Variants in RIMBP2 observed in about 807,000 individuals in gnomAD.
The protein encoded by RIMBP2 is RIMS binding protein 2.
A neutral mutation model predicts 118.6 loss-of-function variants in RIMBP2; 48 were observed. The ratio of observed to expected loss-of-function variants is 0.40; its 90% CI spans 0.32 to 0.51. The LOEUF is 0.51. Ranked by LOEUF, RIMBP2 falls within the 20% of genes least tolerant of loss-of-function variation. The pLI is 0.41. For synonymous variants in RIMBP2, 762 were observed against 742.9 expected, an observed-to-expected ratio of 1.03 and a Z score of -0.42; for missense variants, 1,551 against 1,768.3, an observed-to-expected ratio of 0.88 and a Z score of 2.20.
intron 1 of RIMBP2, among the ~76,000 whole-genome samples, chr12:130,705,831 G>A (rs911549839): frequency 3.9e-5 from 6 of 152,240 alleles, no homozygotes; most frequent in African/African-American, 7.2e-5. Flanking sequence ...GGCAGAAGCC[G>A]TTCTCTTCCC....
chr12:130,482,303 G>A (rs555996773), intron 4 of RIMBP2, among the ~76,000 whole-genome samples: 19 of 152,152 alleles, frequency 1.2e-4, no homozygotes, highest in Non-Finnish European at 1.3e-4. Context: ...TTGGTTCATC[G>A]GACTGGATTT....
At chr12:130,519,540 A>C (rs1331463201) in intron 2 of RIMBP2, among the ~76,000 whole-genome samples, 1 of 152,246 alleles carries the variant, frequency 6.6e-6, no homozygotes, top group Non-Finnish European at 1.5e-5. Flanking sequence ...AAAGCAGATC[A>C]TAATGTAGTC....
intron 18 of RIMBP2, 96 bp from the exon 19 acceptor site, chr12:130,412,883 A>G: frequency 8.7e-7 from 1 of 1,143,964 alleles, no homozygotes; most frequent in Non-Finnish European, 1.2e-6. Context: ...TCGAAAATAT[A>G]TTTTAAATAT....
At chr12:130,705,911 C>T (rs74822180) in intron 1 of RIMBP2, among the ~76,000 whole-genome samples, 8,810 of 152,266 alleles carry the variant, frequency 0.058, 302 homozygotes, top group Middle Eastern at 0.099. Context: ...TCCCTCCTAC[C>T]GTGACCGGCT....
chr12:130,439,367 G>A (rs2077840662), intron 11 of RIMBP2, among the ~76,000 whole-genome samples: 1 of 150,696 alleles, frequency 6.6e-6, no homozygotes, highest in South Asian at 2.1e-4. Flanking sequence ...ATGCGTATGT[G>A]TGTATGTGGG....
rs868409680 is a variant in RIMBP2, at chr12:130,646,363, C to T, written c.-351-17907G>A. Among the ~76,000 whole-genome samples the T allele has an allele frequency of 5.8e-4, 71 of 122,098 alleles. 7 individuals carry two copies. The highest frequency in any genetic ancestry group is 1.5e-3 in the African/African-American group (48 of 32,852). The allele number at this position is 122,098 out of a possible 152,430, so 80.1% of individuals were successfully genotyped here. On this transcript the variant is annotated intron_variant, in intron 1 of 22. Transcript: ENST00000690449. ...CCTCCCTCACCACCTCCCTCACCAC[C>T]TCCCTCACCACCTCCCTCACCACCT...
At chr12:130,690,981 G>T (rs1566460094) in intron 1 of RIMBP2, among the ~76,000 whole-genome samples, 1 of 152,078 alleles carries the variant, frequency 6.6e-6, no homozygotes, top group Non-Finnish European at 1.5e-5. Flanking sequence ...AATTCACAAG[G>T]GCCCACAGAA....
chr12:130,460,322 C>A (rs980565391), intron 6 of RIMBP2, among the ~76,000 whole-genome samples: 4 of 152,142 alleles, frequency 2.6e-5, no homozygotes, highest in Admixed American at 1.3e-4. Flanking sequence ...AGCAAAGCGG[C>A]GCTCGCAGGA....
At chr12:130,709,377 C>A (rs1196811709) in intron 1 of RIMBP2, among the ~76,000 whole-genome samples, 1 of 152,222 alleles carries the variant, frequency 6.6e-6, no homozygotes, top group African/African-American at 2.4e-5. Flanking sequence ...AGACGCAGAA[C>A]CCACACCACA....
At chr12:130,605,563 A>G (rs2060133571) in intron 2 of RIMBP2, among the ~76,000 whole-genome samples, 1 of 152,190 alleles carries the variant, frequency 6.6e-6, no homozygotes, top group African/African-American at 2.4e-5. Flanking sequence ...TGTAGAAAAT[A>G]ATTTTATTTT....
chr12:130,439,522 GGTGT>G (rs1165430010), intron 11 of RIMBP2, among the ~76,000 whole-genome samples: 1 of 135,950 alleles, frequency 7.4e-6, no homozygotes, highest in Non-Finnish European at 1.6e-5. Context: ...GGTATGTGTG[GGTGT>G]GTGTGGGTCT....
At chr12:130,489,726 A>G (rs536955556) in intron 4 of RIMBP2, among the ~76,000 whole-genome samples, 15 of 152,308 alleles carry the variant, frequency 9.8e-5, no homozygotes, top group African/African-American at 3.1e-4. Context: ...AATCCCCTGT[A>G]TTAATGTCCC....
chr12:130,556,929 G>T (rs1302624796), intron 2 of RIMBP2, among the ~76,000 whole-genome samples: 1 of 152,132 alleles, frequency 6.6e-6, no homozygotes, highest in African/African-American at 2.4e-5. Context: ...TCGGCTTCTT[G>T]ATCTAAACAA....
At chr12:130,449,446 G>A (rs1286896683) in intron 9 of RIMBP2, among the ~76,000 whole-genome samples, 1 of 152,212 alleles carries the variant, frequency 6.6e-6, no homozygotes, top group Non-Finnish European at 1.5e-5. Flanking sequence ...CCCCTGCACG[G>A]GAAGCCCACT....
In RIMBP2 at chr12:130,450,049, A is replaced by G. The variant is rs1025180372; in HGVS notation, c.581+151T>C. On this transcript the variant is annotated intron_variant, in intron 9 of 22. Transcript: ENST00000690449. This position sits in a 1 kb window ranked among gnomAD's most constrained non-coding sequence, Gnocchi z 4.8. ...GTGCCACCCAAACTCTCTCCACCGA[A>G]CCCTGCTCAGCCTCCAGGCCAGGCT... 2.5e-5 allele frequency: 15 copies of G among 602,192 alleles called. No homozygotes were observed. The highest frequency in any genetic ancestry group is 2.1e-4 in the African/African-American group (11 of 53,210). 37.3% of individuals were successfully genotyped at this position (602,192 alleles called of 1,614,324 possible).
chr12:130,649,877 G>A (rs2063154530), intron 1 of RIMBP2, among the ~76,000 whole-genome samples: 1 of 152,094 alleles, frequency 6.6e-6, no homozygotes, highest in South Asian at 2.1e-4. Flanking sequence ...TTCACACTCT[G>A]CGGGCCCTGG....
At chr12:130,449,760 C>T (rs996815290) in intron 9 of RIMBP2, among the ~76,000 whole-genome samples, 39 of 152,030 alleles carry the variant, frequency 2.6e-4, no homozygotes, top group Non-Finnish European at 1.5e-4. Flanking sequence ...GAGGGGAGAA[C>T]GCACAAAGAC....
intron 2 of RIMBP2, among the ~76,000 whole-genome samples, chr12:130,531,362 C>T (rs942279491): frequency 2.6e-5 from 4 of 152,160 alleles, no homozygotes; most frequent in African/African-American, 9.7e-5. Context: ...AAAAGGTAAC[C>T]ACTGTTCTGA....
At chr12:130,521,192 C>T (rs2052070490) in intron 2 of RIMBP2, among the ~76,000 whole-genome samples, 1 of 152,208 alleles carries the variant, frequency 6.6e-6, no homozygotes. Flanking sequence ...GCTGTCCACA[C>T]AGGGAGGTGG....
Sources: gnomAD v4.1 joint callset for allele counts (sites outside exome capture counted in the v4.1 genomes callset) on GRCh38, gnomAD v4.1.1 for gene constraint, Gnocchi (gnomAD v3.1) non-coding constraint, MANE v1.5 for transcripts, NCBI Gene and HGNC (gene_info 2026-07-23, HGNC 2026-07-21) for gene names.